CDH18: variants seen among roughly 807,000 people sequenced by gnomAD.
CDH18 encodes cadherin 18.
In CDH18, 31 loss-of-function variants were observed where a neutral mutation model predicts 67.9. The observed-to-expected ratio is 0.46, with a 90% CI of 0.34 to 0.62. CDH18 has a LOEUF of 0.62. CDH18 is among the 20% of genes least tolerant of loss of function. CDH18 has a pLI of 0.01. For synonymous variants in CDH18, 362 were observed against 347.2 expected (o/e 1.04, Z -0.48); for missense variants, 890 against 975.5 (o/e 0.91, Z 1.17).
intron 5 of CDH18, among the ~76,000 whole-genome samples, chr5:19,635,960 T>C (rs1395123999): frequency 2.0e-5 from 3 of 152,078 alleles, no homozygotes; most frequent in Non-Finnish European, 4.4e-5. Flanking sequence ...GTCAAGAAAA[T>C]GTTGTTGAAA....
chr5:19,747,210 A>G lies in CDH18; in HGVS notation c.255T>C (p.Asp85=), dbSNP rs1467075642. The part of the protein sequence containing the change: ...GKLHSNSDKG[D]GSVKYILTGE... Reference sequence around the variant, plus strand: ...CAGTAAGGATGTACTTGACAGATCCATCACCTTTGTCAGAATTGGAGTGCA... The same window carrying G: ...CAGTAAGGATGTACTTGACAGATCCGTCACCTTTGTCAGAATTGGAGTGCA... Residue 85 remains aspartate (D), a synonymous_variant, in exon 4 of 13, where the codon GAT becomes GAC. Coordinates refer to ENST00000382275, the MANE Select transcript of CDH18 (RefSeq NM_004934.5). The G allele has an allele frequency of 6.2e-7, 1 of 1,613,750 alleles. No individual in the cohort carries two copies. The highest frequency in any genetic ancestry group is 1.3e-5 in the African/African-American group (1 of 74,932).
intron 1 of CDH18, among the ~76,000 whole-genome samples, chr5:20,453,243 C>G (rs1448125053): frequency 4.6e-5 from 7 of 152,144 alleles, no homozygotes; most frequent in Non-Finnish European, 1.0e-4. Context: ...CCTTTCTGCT[C>G]ACTTACACCT....
chr5:19,712,992 G>C (rs1764901925), intron 5 of CDH18, among the ~76,000 whole-genome samples: 1 of 151,770 alleles, frequency 6.6e-6, no homozygotes, highest in Admixed American at 6.6e-5. Flanking sequence ...AAAGACTAAA[G>C]AACACAATCG....
At position 20,491,836 on chromosome 5, in the gene CDH18, A is replaced by G. The variant is rs146146121; in HGVS notation, c.-580+83626T>C. Among the ~76,000 whole-genome samples the G allele has an allele frequency of 4.4e-3, 676 of 152,312 alleles. 6 individuals are homozygous for G. The highest frequency in any genetic ancestry group is 0.015 in the African/African-American group (639 of 41,582). On this transcript the variant is annotated intron_variant, in intron 1 of 14. Coordinates refer to the CDH18 transcript ENST00000507958. The stretch of plus-strand genomic sequence containing the variant: ...ATCTGGACACTACTGCCTAGCCACA[A>G]TGACACATAAATTTAACCATCACAG...
intron 1 of CDH18, among the ~76,000 whole-genome samples, chr5:20,302,364 A>G (rs2149969857): frequency 1.3e-5 from 2 of 152,292 alleles, no homozygotes; most frequent in Admixed American, 1.3e-4. Flanking sequence ...ATCATCTGCA[A>G]CAAAACCCCA....
chr5:19,603,465 T>C (rs1367509848), intron 6 of CDH18, among the ~76,000 whole-genome samples: 1 of 152,128 alleles, frequency 6.6e-6, no homozygotes, highest in Non-Finnish European at 1.5e-5. Context: ...AATATGAATA[T>C]ACGTAGTGTT....
At chr5:20,182,597 CA>C (rs778083062) in intron 2 of CDH18, among the ~76,000 whole-genome samples, 5,418 of 47,578 alleles carry the variant, frequency 0.11, 74 homozygotes, top group Admixed American at 0.15. Flanking sequence ...AGCTAAATCT[CA>C]AAAAAAAAAA....
At chr5:20,332,440 T>C (rs1739269826) in intron 1 of CDH18, among the ~76,000 whole-genome samples, 1 of 152,204 alleles carries the variant, frequency 6.6e-6, no homozygotes, top group South Asian at 2.1e-4. Context: ...AGGTCATTCC[T>C]GGTGAACGCT....
At chr5:20,172,212 A>ATATATATACACACATG (rs1736822304) in intron 2 of CDH18, among the ~76,000 whole-genome samples, 11 of 50,710 alleles carry the variant, frequency 2.2e-4, no homozygotes, top group African/African-American at 8.6e-4. Flanking sequence ...ATATATATAT[A>ATATATATACACACATG]TATATATATA....
intron 2 of CDH18, among the ~76,000 whole-genome samples, chr5:19,887,091 A>T (rs1370013417): frequency 1.3e-5 from 2 of 151,894 alleles, no homozygotes; most frequent in East Asian, 3.9e-4. Flanking sequence ...ATGTATATGC[A>T]TTATTTATGT....
chr5:20,122,884 AAGGT>A (rs1748485592), intron 2 of CDH18, among the ~76,000 whole-genome samples: 1 of 148,208 alleles, frequency 6.7e-6, no homozygotes, highest in Non-Finnish European at 1.5e-5. Context: ...TCTGTACCAT[AAGGT>A]ATTTAGTGGA....
At chr5:20,527,384 A>T (rs1756137815) in intron 1 of CDH18, among the ~76,000 whole-genome samples, 1 of 152,092 alleles carries the variant, frequency 6.6e-6, no homozygotes, top group Admixed American at 6.5e-5. Flanking sequence ...AAGACAAGCC[A>T]TTATTCAGAT....
At chr5:19,638,988 T>TG (rs1376946338) in intron 5 of CDH18, among the ~76,000 whole-genome samples, 13 of 85,026 alleles carry the variant, frequency 1.5e-4, no homozygotes, top group Admixed American at 8.5e-4. Context: ...TTTTTTTTTT[T>TG]TTTTTTTTTT....
At chr5:20,390,788 C>T (rs376044688) in intron 1 of CDH18, among the ~76,000 whole-genome samples, 5 of 152,126 alleles carry the variant, frequency 3.3e-5, no homozygotes, top group African/African-American at 7.2e-5. Flanking sequence ...ACATATACAC[C>T]GTGGAATACC....
At chr5:19,805,687 C>T (rs1412369487) in intron 3 of CDH18, among the ~76,000 whole-genome samples, 1 of 152,172 alleles carries the variant, frequency 6.6e-6, no homozygotes, top group African/African-American at 2.4e-5. Flanking sequence ...GCCTGCCAAC[C>T]ACCTTCAAAT....
chr5:20,256,331 C>G (rs1744231529), intron 1 of CDH18, among the ~76,000 whole-genome samples: 1 of 152,004 alleles, frequency 6.6e-6, no homozygotes, highest in Non-Finnish European at 1.5e-5. Flanking sequence ...TATTCTCTGA[C>G]CTTCTTAGCC....
chr5:20,455,211 T>C (rs1750757106), intron 1 of CDH18, among the ~76,000 whole-genome samples: 1 of 151,894 alleles, frequency 6.6e-6, no homozygotes, highest in South Asian at 2.1e-4. Flanking sequence ...TGGAGTAACA[T>C]AAGGGGGCTA....
chr5:19,956,208 G>A (rs1275546336), intron 2 of CDH18, among the ~76,000 whole-genome samples: 1 of 151,962 alleles, frequency 6.6e-6, no homozygotes, highest in African/African-American at 2.4e-5. Flanking sequence ...GCAGTTGAAA[G>A]CCAATTCTAT....
chr5:20,095,674 T>C (rs28472381), intron 2 of CDH18, among the ~76,000 whole-genome samples: 3,473 of 151,294 alleles, frequency 0.023, 61 homozygotes, highest in African/African-American at 0.042. Flanking sequence ...TCAAAGTTGC[T>C]GGTTATATCC....
Sources: allele counts gnomAD v4.1 joint callset (sites outside exome capture counted in the v4.1 genomes callset), GRCh38; gene constraint gnomAD v4.1.1; transcripts MANE v1.5; gene names NCBI Gene and HGNC (gene_info 2026-07-23, HGNC 2026-07-21).